The following ACAP3 variants were observed in gnomAD, a reference collection of about 807,000 sequenced individuals.
The protein encoded by ACAP3 is ArfGAP with coiled-coil, ankyrin repeat and PH domains 3.
Under a neutral mutation model 104.1 loss-of-function variants are expected in ACAP3, and 56 were observed. The observed-to-expected ratio is 0.54, with a 90% confidence interval of 0.43 to 0.67. The LOEUF is 0.67. ACAP3 is among the 30% of genes least tolerant of loss of function. ACAP3 has a pLI of 0.00. For synonymous variants in ACAP3, 628 were observed against 496.2 expected (o/e 1.27, Z -3.53); for missense variants, 1,208 against 1,174.9 (o/e 1.03, Z -0.41).
At position 1,299,229 on chromosome 1, in the gene ACAP3, G is replaced by A. The variant is rs1205321093; in HGVS notation, c.750+116C>T. On this transcript the variant is annotated intron_variant, in intron 10 of 23. Coordinates refer to ENST00000354700, the MANE Select transcript of ACAP3 (RefSeq NM_030649.3). ...CACAGCCGCATCAGCAGCAGGAGCC[G>A]AGACTGGTGGGAGGTGTCCTTGGTG... The A allele has an allele frequency of 1.3e-5, 17 of 1,344,942 alleles. No individual in the cohort carries two copies. The Admixed American group carries it at 1.5e-4, about 12-fold the overall frequency. The allele number at this position is 1,344,942 out of a possible 1,614,324, so 83.3% of individuals were successfully genotyped here. A position where few individuals can be genotyped will look rare whatever the true frequency, so the allele number is the denominator to read the frequency against.
rs376316959 is a variant in ACAP3, at chr1:1,303,177, G to A, written c.210C>T (p.Gly70=). Residue 70 remains glycine, a synonymous_variant, in exon 3 of 24, where the codon GGC becomes GGT. Coordinates refer to ENST00000354700, the MANE Select transcript of ACAP3 (RefSeq NM_030649.3). This position sits in a 1 kb window ranked among gnomAD's most constrained non-coding sequence, Gnocchi z 4.0. ...GGCCCCTCACCGAGATGACGGTGTC[G>A]CCCTGGCACTGCTGGGACAGGTCGC... ...GVRDLSQQCQ[G]DTVISECLQR... is the part of the protein sequence containing the mutation. The A allele has an allele frequency of 1.2e-4, 195 of 1,603,998 alleles. No individual in the cohort carries two copies. The highest frequency in any genetic ancestry group is 1.4e-4 in the Non-Finnish European group (169 of 1,176,330).
chr1:1,299,166 C>T (rs1388958916), intron 10 of ACAP3, 179 bp downstream of exon 10: 5 of 815,722 alleles, frequency 6.1e-6, no homozygotes, highest in Non-Finnish European at 9.7e-6. Flanking sequence ...GCCGCCAACC[C>T]CACGGGGAAT....
intron 13 of ACAP3, 28 bp from the exon 14 acceptor site, chr1:1,297,961 G>A: frequency 6.2e-7 from 1 of 1,610,914 alleles, no homozygotes; most frequent in Non-Finnish European, 8.5e-7. Context: ...GCGGGCGTCA[G>A]CTCCGGTGGG....
intron 14 of ACAP3, among the ~76,000 whole-genome samples, chr1:1,297,166 CGCGGG>C (rs1641213633): frequency 7.2e-6 from 1 of 138,940 alleles, no homozygotes; most frequent in Non-Finnish European, 1.5e-5. Context: ...TGTGCACAGG[CGCGGG>C]GCAGGGGCCA....
chr1:1,304,203 C>T (rs1443850207), intron 1 of ACAP3, 60 bp from the exon 2 acceptor site: 2 of 1,541,854 alleles, frequency 1.3e-6, no homozygotes, highest in African/African-American at 1.4e-5. Context: ...CGGGGCTTCA[C>T]CTCCCCCCGC....
Position 1,300,586 on chromosome 1 carries a change from C to A in ACAP3, c.445G>T (p.Glu149Ter). ...AGGGCCCCGGTGGCTTCCTCCACCT[C>A]GTGGGGCCGGTGCCTCGGGGCCTGG... ...NAQAPRHRPHEVEEATGALTL... is the reference protein window; with the variant it reads ...NAQAPRHRPH The change falls in exon 6 of 24, where the codon GAG (glutamate) becomes TAG (stop). Residue 149 changes from glutamate (E) to a stop codon, truncating the protein, a stop_gained. Transcript: ENST00000354700. LOFTEE classifies it high-confidence loss of function. The A allele has an allele frequency of 6.2e-7, 1 of 1,611,300 alleles. No homozygotes were observed. Among genetic ancestry groups the A allele is most frequent in the Non-Finnish European group, 8.5e-7 (1 of 1,179,440 alleles).
Position 1,296,602 on chromosome 1 carries a change from C to T in ACAP3, c.1160G>A (p.Ser387Asn). The change falls in exon 15 of 24, where the codon AGC (serine) becomes AAC (asparagine). Residue 387 changes from serine (S) to asparagine (N), a missense_variant. Physicochemically the swap from Ser to Asn is conservative, Grantham distance 46 (BLOSUM62 1). Coordinates refer to ENST00000354700, the MANE Select transcript of ACAP3 (RefSeq NM_030649.3). ...AGTGTCGGTGGCGGAGTCGATGCTG[C>T]TCGTGGACGGGGATGCTGTGCGGTC... is the stretch of plus-strand genomic sequence containing the variant. ...RLDRTASPST[S>N]SIDSATDTRE... 1.3e-6 allele frequency: 2 copies of T among 1,538,628 alleles called. No individual in the cohort carries two copies. The highest frequency in any genetic ancestry group is 1.2e-5 in the South Asian group (1 of 83,994).
At chr1:1,299,510 C>G (rs1404338011) in intron 9 of ACAP3, 154 bp from the exon 10 acceptor site, 2 of 971,690 alleles carry the variant, frequency 2.1e-6, no homozygotes, top group Admixed American at 3.3e-5. Context: ...AATAGCCACT[C>G]CTGCCTGCAG....
Position 1,294,175 on chromosome 1 carries a change from G to A in ACAP3, c.2164C>T (p.Leu722=), listed in dbSNP as rs1640999215. 9 of 1,595,300 alleles carry A rather than the reference G, an allele frequency of 5.6e-6. No individual in the cohort carries two copies. The highest frequency in any genetic ancestry group is 1.3e-5 in the African/African-American group (1 of 74,576). The stretch of plus-strand genomic sequence containing the variant: ...TTCACGTCCGCTCCGTTTTGCAGCA[G>A]GAACTCACAGACGATCAAGGAGCCC... The part of the protein sequence containing the change: ...LGGSLIVCEF[L]LQNGADVNQR... The change falls in exon 22 of 24, where the codon CTG becomes TTG. Residue 722 remains leucine, a synonymous_variant. Transcript: ENST00000354700.
Position 1,295,493 on chromosome 1 carries a change from CGAGTCCAGCTCGTCGGGACAGAAGAGG to C in ACAP3, c.1740_1766del (p.Cys583_Phe591del), listed in dbSNP as rs1207496371. The C allele has an allele frequency of 6.2e-7, 1 of 1,612,526 alleles. No individual in the cohort carries two copies. Among genetic ancestry groups the C allele is most frequent in the Non-Finnish European group, 8.5e-7 (1 of 1,179,904 alleles). On this transcript the variant is annotated inframe_deletion, in exon 19 of 24. Transcript: ENST00000354700. ...CCCCTGCGTCGAAGTAGGAGAAGAGCGAGTCCAGCTCGTCGGGACAGAAGAGGGAGTCTCGGCGGAACTTACGATCCA... is the reference window on the plus strand; with the variant it reads ...CCCCTGCGTCGAAGTAGGAGAAGAGCGAGTCTCGGCGGAACTTACGATCCA...
intron 1 of ACAP3, among the ~76,000 whole-genome samples, chr1:1,306,111 C>T (rs1641681481): frequency 6.6e-6 from 1 of 152,212 alleles, no homozygotes. Flanking sequence ...CACTCCAGTC[C>T]ATGCCCCACA....
intron 5 of ACAP3, chr1:1,301,733 A>C: frequency 3.0e-6 from 1 of 328,926 alleles, no homozygotes; most frequent in Non-Finnish European, 5.5e-6. Flanking sequence ...GCCATGCCCC[A>C]GACTCCAGAC....
At chr1:1,300,380 G>A (rs1046449285) in intron 6 of ACAP3, 129 bp downstream of exon 6, 5 of 1,257,998 alleles carry the variant, frequency 4.0e-6, no homozygotes, top group Non-Finnish European at 5.4e-6. Context: ...CCCATGTCTG[G>A]AGTTCCCACC....
chr1:1,303,407 C>T lies in ACAP3; in HGVS notation c.106-126G>A. The T allele has an allele frequency of 3.0e-6, 4 of 1,337,520 alleles. No homozygotes were observed. The highest frequency in any genetic ancestry group is 1.5e-5 in the African/African-American group (1 of 67,960). The allele number at this position is 1,337,520 out of a possible 1,614,324, so 82.9% of individuals were successfully genotyped here. A position where few individuals can be genotyped will look rare whatever the true frequency, so the allele number is the denominator to read the frequency against. ...CCACTCAGGGCGTTGGCACTCAGGA[C>T]TCAGTGCCCCGGTGCAGCTTCCTCA... is the stretch of plus-strand genomic sequence containing the variant. On this transcript the variant is annotated intron_variant, in intron 2 of 23. Transcript: ENST00000354700. The surrounding 1 kb of genome is among the most constrained non-coding windows in gnomAD (Gnocchi z 4.0).
At position 1,307,815 on chromosome 1, in the gene ACAP3, TGGCTGCGGC is replaced by T. The variant is rs1403493066; in HGVS notation, c.-9_-1del. The T allele has an allele frequency of 9.4e-7, 1 of 1,061,498 alleles. No homozygotes were observed. The highest frequency in any genetic ancestry group is 1.1e-6 in the Non-Finnish European group (1 of 879,926). The allele number at this position is 1,061,498 out of a possible 1,614,324, so 65.8% of individuals were successfully genotyped here. On this transcript the variant is annotated 5_prime_UTR_variant, in exon 1 of 24. Coordinates refer to ENST00000354700, the MANE Select transcript of ACAP3 (RefSeq NM_030649.3). The stretch of plus-strand genomic sequence containing the variant: ...ACGCACTCCTCGAACTCCACGGTCA[TGGCTGCGGC>T]GGCCGCGGCGCTCACTGGCACGAGG...
At chr1:1,306,701 C>T (rs1641716594) in intron 1 of ACAP3, among the ~76,000 whole-genome samples, 1 of 152,256 alleles carries the variant, frequency 6.6e-6, no homozygotes, top group African/African-American at 2.4e-5. Context: ...CACACATGTG[C>T]AAACATGTTC....
At position 1,294,284 on chromosome 1, in the gene ACAP3, C is replaced by G. The variant is rs1285790229; in HGVS notation, c.2140-85G>C. On this transcript the variant is annotated intron_variant, in intron 21 of 23. Transcript: ENST00000354700. The stretch of plus-strand genomic sequence containing the variant: ...ACCCTGACCCCGGCCTTGGGCGCCC[C>G]CAGCCGGGACCGAACGTGGTCCCCA... 7.9e-6 allele frequency: 12 copies of G among 1,513,360 alleles called. No homozygotes were observed. The Admixed American group carries it at 2.3e-4, about 29-fold the overall frequency. The allele number at this position is 1,513,360 out of a possible 1,614,324, so 93.7% of individuals were successfully genotyped here. A position where few individuals can be genotyped will look rare whatever the true frequency, so the allele number is the denominator to read the frequency against.
chr1:1,300,103 C>G, intron 7 of ACAP3, 35 bp from the exon 8 acceptor site: 1 of 1,607,464 alleles, frequency 6.2e-7, no homozygotes, highest in Non-Finnish European at 8.5e-7. Context: ...CCAAGCACAC[C>G]CGGTCCAGCC....
At chr1:1,302,852 T>A in intron 4 of ACAP3, 70 bp downstream of exon 4, 6 of 1,233,144 alleles carry the variant, frequency 4.9e-6, no homozygotes, top group Non-Finnish European at 6.5e-6. Flanking sequence ...GACGCCGGCC[T>A]TCAGGTGAGC....
Sources: gnomAD v4.1 joint callset for allele counts (sites outside exome capture counted in the v4.1 genomes callset) on GRCh38, gnomAD v4.1.1 for gene constraint, Gnocchi (gnomAD v3.1) non-coding constraint, MANE v1.5 for transcripts, NCBI Gene and HGNC (gene_info 2026-07-23, HGNC 2026-07-21) for gene names.